The following ADAMTS19 variants were observed in gnomAD, a reference collection of about 807,000 sequenced individuals.
ADAMTS19 encodes ADAM metallopeptidase with thrombospondin type 1 motif 19.
ADAMTS19 carries 93 observed loss-of-function variants against 153.3 expected under a neutral mutation model. That is an observed-to-expected ratio of 0.61 (90% CI 0.51 to 0.72). The LOEUF is 0.72. Among genes scored for constraint, ADAMTS19 ranks in the 30% least tolerant of loss-of-function variants. ADAMTS19 has a pLI of 0.00. For missense variants in ADAMTS19, 1,482 were observed against 1,552.1 expected, an observed-to-expected ratio of 0.95 and a Z score of 0.76; for synonymous variants, 600 against 556.6, an observed-to-expected ratio of 1.08 and a Z score of -1.10.
chr5:129,511,064 G>A (rs1462651649), intron 3 of ADAMTS19, among the ~76,000 whole-genome samples: 2 of 151,476 alleles, frequency 1.3e-5, no homozygotes, highest in African/African-American at 2.4e-5. Context: ...ATTTATTTAC[G>A]GGTACTGACA....
At chr5:129,728,028 A>G (rs1283600427) in intron 21 of ADAMTS19, among the ~76,000 whole-genome samples, 1 of 152,014 alleles carries the variant, frequency 6.6e-6, no homozygotes, top group Non-Finnish European at 1.5e-5. Context: ...GCTGGCCAAA[A>G]CCCACCAAAA....
At chr5:129,701,119 A>G (rs1755823665) in intron 19 of ADAMTS19, among the ~76,000 whole-genome samples, 2 of 150,944 alleles carry the variant, frequency 1.3e-5, no homozygotes, top group African/African-American at 4.9e-5. Context: ...AATAACTCTC[A>G]TGAGATCTGA....
intron 3 of ADAMTS19, among the ~76,000 whole-genome samples, chr5:129,522,514 G>A (rs957088206): frequency 1.3e-5 from 2 of 151,044 alleles, no homozygotes; most frequent in Non-Finnish European, 1.5e-5. Context: ...AGGAATATTT[G>A]CATTAATTGT....
intron 6 of ADAMTS19, 53 bp downstream of exon 6, chr5:129,528,730 T>C (rs1752101113): frequency 1.4e-6 from 2 of 1,393,770 alleles, no homozygotes; most frequent in Non-Finnish European, 2.0e-6. Flanking sequence ...CACTGCACTG[T>C]TGATCCCATT....
chr5:129,528,728 T>C (rs1752100932), intron 6 of ADAMTS19, 51 bp downstream of exon 6: 3 of 1,414,610 alleles, frequency 2.1e-6, no homozygotes, highest in Non-Finnish European at 1.9e-6. Context: ...ATCACTGCAC[T>C]GTTGATCCCA....
In ADAMTS19 at chr5:129,510,624, C is replaced by T. The variant is rs549732697; in HGVS notation, c.913+1382C>T. On this transcript the variant is annotated intron_variant, in intron 3 of 22. Transcript: ENST00000274487. ...CGACAGCTATAGTTTGGATTTAGTC[C>T]ATTTAAGGAGATTGCTTTGTACGAG... Among the ~76,000 whole-genome samples the T allele has an allele frequency of 1.1e-4, 16 of 151,844 alleles. No individual in the cohort carries two copies. In the South Asian group the frequency reaches 3.1e-3, roughly 30 times the overall value.
intron 2 of ADAMTS19, among the ~76,000 whole-genome samples, chr5:129,485,745 T>A (rs897863040): frequency 2.6e-5 from 4 of 152,176 alleles, no homozygotes; most frequent in Non-Finnish European, 5.9e-5. Flanking sequence ...AAATTAATTT[T>A]AAAAATGTAG....
intron 2 of ADAMTS19, among the ~76,000 whole-genome samples, chr5:129,482,993 A>T (rs1750465693): frequency 6.6e-6 from 1 of 152,212 alleles, no homozygotes; most frequent in Non-Finnish European, 1.5e-5. Flanking sequence ...ATGGGATTAC[A>T]TATTATATGT....
chr5:129,734,400 C>A (rs994280671), intron 21 of ADAMTS19, among the ~76,000 whole-genome samples: 2 of 151,790 alleles, frequency 1.3e-5, no homozygotes, highest in African/African-American at 4.8e-5. Flanking sequence ...CAAGAAAAAG[C>A]AATTACTTTA....
chr5:129,551,805 G>C (rs959345002), intron 6 of ADAMTS19, 59 bp from the exon 7 acceptor site: 22 of 1,080,112 alleles, frequency 2.0e-5, no homozygotes, highest in Admixed American at 7.2e-5. Context: ...TGAGTCACTT[G>C]ATGTCTTGTT....
intron 2 of ADAMTS19, among the ~76,000 whole-genome samples, chr5:129,482,504 T>A (rs1186908194): frequency 1.3e-5 from 2 of 152,136 alleles, no homozygotes; most frequent in African/African-American, 4.8e-5. Context: ...TACCAGAAAA[T>A]AGGTTTCTTA....
intron 14 of ADAMTS19, among the ~76,000 whole-genome samples, chr5:129,656,996 T>C (rs974600855): frequency 1.3e-5 from 2 of 152,218 alleles, no homozygotes; most frequent in African/African-American, 4.8e-5. Context: ...GAAAGACTTT[T>C]CTTCTCAATC....
At chr5:129,666,848 A>G (rs1387428934) in intron 16 of ADAMTS19, among the ~76,000 whole-genome samples, 1 of 152,204 alleles carries the variant, frequency 6.6e-6, no homozygotes, top group Non-Finnish European at 1.5e-5. Context: ...TTACACTTGC[A>G]TGTATGTTTT....
chr5:129,647,753 C>A lies in ADAMTS19; in HGVS notation c.1873-12C>A. 6.2e-7 allele frequency: 1 copy of A among 1,612,784 alleles called. No individual in the cohort carries two copies. Among genetic ancestry groups the A allele is most frequent in the East Asian group, 2.2e-5 (1 of 44,858 alleles). On this transcript the variant is annotated splice_polypyrimidine_tract_variant and intron_variant, in intron 11 of 22. Coordinates refer to ENST00000274487, the MANE Select transcript of ADAMTS19 (RefSeq NM_133638.6). ...CCTGATTTGTTCACCTAAGACATAA[C>A]TTTTGGAATAGTGGTGTAAGGCTGG... is the stretch of plus-strand genomic sequence containing the variant.
intron 16 of ADAMTS19, among the ~76,000 whole-genome samples, chr5:129,675,220 C>A (rs1207908232): frequency 1.3e-5 from 2 of 152,018 alleles, no homozygotes; most frequent in Admixed American, 6.6e-5. Context: ...TTATAATGTA[C>A]CTTGTATGGC....
At chr5:129,489,042 T>C (rs1750684179) in intron 2 of ADAMTS19, among the ~76,000 whole-genome samples, 1 of 152,124 alleles carries the variant, frequency 6.6e-6, no homozygotes, top group Non-Finnish European at 1.5e-5. Flanking sequence ...ATAAGAACAG[T>C]TGGCTCTTAG....
intron 3 of ADAMTS19, among the ~76,000 whole-genome samples, chr5:129,525,268 T>G (rs768931322): frequency 7.4e-4 from 113 of 152,124 alleles, no homozygotes; most frequent in Non-Finnish European, 1.0e-3. Context: ...TCAGCGTGTA[T>G]GCATATGATG....
intron 14 of ADAMTS19, among the ~76,000 whole-genome samples, chr5:129,657,529 G>A (rs954628164): frequency 1.3e-5 from 2 of 152,164 alleles, no homozygotes; most frequent in South Asian, 4.1e-4. Flanking sequence ...TCAATGGGAA[G>A]TAAACATTAT....
intron 8 of ADAMTS19, 119 bp downstream of exon 8, chr5:129,596,783 G>A: frequency 1.4e-6 from 1 of 707,450 alleles, no homozygotes; most frequent in Non-Finnish European, 2.3e-6. Context: ...GAAAAACTAG[G>A]GAGACAAGAA....
Sources: gnomAD v4.1 joint callset for allele counts (sites outside exome capture counted in the v4.1 genomes callset) on GRCh38, gnomAD v4.1.1 for gene constraint, MANE v1.5 for transcripts, NCBI Gene and HGNC (gene_info 2026-07-23, HGNC 2026-07-21) for gene names.